DUSP15: variants seen among roughly 807,000 people sequenced by gnomAD.
DUSP15 encodes dual specificity phosphatase 15, also known as dual specificity protein phosphatase 15.
DUSP15 carries 23 observed loss-of-function variants against 26.3 expected under a neutral mutation model. The ratio of observed to expected loss-of-function variants is 0.87; its 90% CI spans 0.63 to 1.24. DUSP15 has a LOEUF of 1.24. DUSP15 is among the 50% of genes most tolerant of loss of function. The probability of loss-of-function intolerance (pLI) is 0.00; values close to 1 mark genes in which losing one functional copy is unlikely to be tolerated. For synonymous variants in DUSP15, 143 were observed against 135.5 expected (o/e 1.06, Z -0.39); for missense variants, 364 against 320.6 (o/e 1.14, Z -1.03).
At chr20:31,853,927 G>A (rs1019424147) in intron 6 of DUSP15, among the ~76,000 whole-genome samples, 9 of 152,070 alleles carry the variant, frequency 5.9e-5, no homozygotes, top group South Asian at 2.1e-4. Flanking sequence ...TAAAGAGTGT[G>A]GTCAGAAAAG....
chr20:31,861,848 C>A (rs1490738797), intron 6 of DUSP15, among the ~76,000 whole-genome samples, 173 bp from the exon 7 acceptor site: 2 of 151,790 alleles, frequency 1.3e-5, no homozygotes, highest in African/African-American at 4.8e-5. Context: ...GTTTCCATCC[C>A]CTCACTGAGT....
At chr20:31,870,656 C>T, upstream of DUSP15, 1 of 1,255,004 alleles carries the variant, frequency 8.0e-7, no homozygotes, top group Non-Finnish European at 1.0e-6. The surrounding 1 kb of genome is among the most constrained non-coding windows in gnomAD (Gnocchi z 6.6). Context: ...CCACGGCCCG[C>T]GGGACAACGG....
downstream of DUSP15, among the ~76,000 whole-genome samples, chr20:31,860,069 T>C (rs562711401): frequency 5.9e-5 from 9 of 152,350 alleles, no homozygotes; most frequent in African/African-American, 2.2e-4. Context: ...TATTTTTTAT[T>C]TGCTGTCTTC....
chr20:31,866,436 C>G (rs1385895782), intron 3 of DUSP15, among the ~76,000 whole-genome samples: 1 of 152,200 alleles, frequency 6.6e-6, no homozygotes, highest in Non-Finnish European at 1.5e-5. Flanking sequence ...AAAGTCCTGT[C>G]CCCAAGGTCA....
At chr20:31,850,510 G>T in intron 7 of DUSP15, 3 of 1,231,208 alleles carry the variant, frequency 2.4e-6, no homozygotes, top group Non-Finnish European at 3.5e-6. Flanking sequence ...TGGGAGCCTG[G>T]GCTGGGTGCT....
At chr20:31,857,346 G>T (rs745629159), downstream of DUSP15, among the ~76,000 whole-genome samples, 1 of 151,100 alleles carries the variant, frequency 6.6e-6, no homozygotes. Context: ...TTATAGAGAC[G>T]GGCTCTCACT....
At position 31,861,499 on chromosome 20, in the gene DUSP15, C is replaced by G. The variant is rs906808639; in HGVS notation, c.612G>C (p.Thr204=). 17 of 1,531,548 alleles carry G rather than the reference C, an allele frequency of 1.1e-5. No individual in the cohort carries two copies. Among genetic ancestry groups the G allele is most frequent in the African/African-American group, 1.4e-5 (1 of 70,908 alleles). The allele number at this position is 1,531,548 out of a possible 1,614,324, so 94.9% of individuals were successfully genotyped here. A position where few individuals can be genotyped will look rare whatever the true frequency, so the allele number is the denominator to read the frequency against. The change falls in exon 7 of 7, where the codon ACG becomes ACC. Residue 204 remains threonine (T), a synonymous_variant. Coordinates refer to ENST00000339738, the MANE Select transcript of DUSP15 (RefSeq NM_080611.5). ...EGTVQRLVPR[T]PREAHRPLPL... is the part of the protein sequence containing the mutation. Reference sequence around the variant, plus strand: ...GCAGCGGCCGGTGGGCTTCCCGGGGCGTGCGCGGCACCAGGCGCTGCACGG... The same window carrying G: ...GCAGCGGCCGGTGGGCTTCCCGGGGGGTGCGCGGCACCAGGCGCTGCACGG...
intron 2 of DUSP15, among the ~76,000 whole-genome samples, chr20:31,867,649 T>G (rs996871497): frequency 1.5e-5 from 2 of 137,654 alleles, no homozygotes; most frequent in East Asian, 4.2e-4. Context: ...TTTTTTTTTT[T>G]TTTTTTTTTT....
exon 8 of DUSP15, chr20:31,849,844 G>A (rs754881929): frequency 2.0e-5 from 30 of 1,522,856 alleles, no homozygotes; most frequent in Non-Finnish European, 2.5e-5. Context: ...CCAGCGCTGC[G>A]GAGAGAAGAG....
At chr20:31,859,299 T>TGG (rs11477044), downstream of DUSP15, among the ~76,000 whole-genome samples, 75 of 140,018 alleles carry the variant, frequency 5.4e-4, no homozygotes, top group Admixed American at 9.2e-4. Flanking sequence ...TGCATTTTTT[T>TGG]GGGGGGGGGG....
intron 2 of DUSP15, among the ~76,000 whole-genome samples, chr20:31,868,476 C>CTTTTTTTTTTTTTTTTT (rs35862553): frequency 1.0e-5 from 1 of 97,332 alleles, no homozygotes; most frequent in Non-Finnish European, 2.0e-5. Flanking sequence ...TTTTCTTTCT[C>CTTTTTTTTTTTTTTTTT]TTTTTTTTTT....
chr20:31,845,607 G>A (rs937980747), downstream of DUSP15: 17 of 1,570,590 alleles, frequency 1.1e-5, no homozygotes, highest in African/African-American at 1.2e-4. Flanking sequence ...GCTGGCGTCC[G>A]GAATAGCCTG....
exon 10 of DUSP15, chr20:31,848,402 C>G (rs1048557644): frequency 3.1e-6 from 5 of 1,610,976 alleles, no homozygotes; most frequent in Non-Finnish European, 4.2e-6. Context: ...TGGGGGCTGC[C>G]TTCAGCGGGT....
At chr20:31,866,808 T>C (rs907590263) in intron 3 of DUSP15, among the ~76,000 whole-genome samples, 7 of 152,232 alleles carry the variant, frequency 4.6e-5, no homozygotes, top group Non-Finnish European at 1.0e-4. Flanking sequence ...TAAGGTTCAG[T>C]GTGAGACTTC....
chr20:31,848,326 G>A lies in DUSP15; in HGVS notation c.*78C>T, dbSNP rs532603131. ...GTCCGGCAGACCTGGGTGATGTGCC[G>A]GGGGAGGCCCCAAGTCTATGGGCTT... On this transcript the variant is annotated 3_prime_UTR_variant, in exon 10 of 10. Coordinates refer to the DUSP15 transcript ENST00000278979. 51 of 1,465,766 alleles carry A rather than the reference G, an allele frequency of 3.5e-5. No homozygotes were observed. The African/African-American group carries it at 6.8e-4, about 20-fold the overall frequency. The allele number at this position is 1,465,766 out of a possible 1,614,324, so 90.8% of individuals were successfully genotyped here.
At chr20:31,848,341 T>G in exon 10 of DUSP15, 1 of 1,531,328 alleles carries the variant, frequency 6.5e-7, no homozygotes. Context: ...AGGCCCCAAG[T>G]CTATGGGCTT....
intron 4 of DUSP15, among the ~76,000 whole-genome samples, chr20:31,864,731 T>C (rs920577219): frequency 6.6e-6 from 1 of 152,214 alleles, no homozygotes; most frequent in Non-Finnish European, 1.5e-5. Flanking sequence ...CCTTTTCCCA[T>C]TTCATAGCTG....
upstream of DUSP15, chr20:31,870,565 G>A: frequency 6.8e-7 from 1 of 1,463,190 alleles, no homozygotes; most frequent in Admixed American, 2.4e-5. The surrounding 1 kb of genome is among the most constrained non-coding windows in gnomAD (Gnocchi z 6.6). Context: ...GCCGCCGCAG[G>A]CTCCTCCTAC....
chr20:31,866,794 A>G (rs974640915), intron 3 of DUSP15, among the ~76,000 whole-genome samples: 1 of 152,196 alleles, frequency 6.6e-6, no homozygotes, highest in African/African-American at 2.4e-5. Flanking sequence ...TATGGGGGCC[A>G]TTTTAAGGTT....
Sources: allele counts gnomAD v4.1 joint callset (sites outside exome capture counted in the v4.1 genomes callset), GRCh38; gene constraint gnomAD v4.1.1; non-coding constraint Gnocchi (gnomAD v3.1); transcripts MANE v1.5; gene names NCBI Gene and HGNC (gene_info 2026-07-23, HGNC 2026-07-21).